The following MAML2 variants were observed in gnomAD, a reference collection of about 807,000 sequenced individuals.
MAML2 encodes mastermind like transcriptional coactivator 2.
MAML2 carries 22 observed loss-of-function variants against 96.1 expected under a neutral mutation model. The ratio of observed to expected loss-of-function variants is 0.23; its 90% CI spans 0.16 to 0.33. The LOEUF (loss-of-function observed/expected upper bound fraction) is 0.33, where lower values mean the gene tolerates loss of function less well. Ranked by LOEUF, MAML2 falls within the 10% of genes least tolerant of loss-of-function variation. The probability of loss-of-function intolerance (pLI) is 1.00; values close to 1 mark genes in which losing one functional copy is unlikely to be tolerated. For missense variants in MAML2, 1,367 were observed against 1,392.4 expected (o/e 0.98, Z 0.29); for synonymous variants, 561 against 521.3 (o/e 1.08, Z -1.04).
intron 1 of MAML2, among the ~76,000 whole-genome samples, chr11:96,260,145 A>T (rs1862727310): frequency 6.7e-6 from 1 of 148,706 alleles, no homozygotes; most frequent in African/African-American, 2.4e-5. Context: ...GACTGTGTGA[A>T]TGCCTGTGTG....
chr11:96,025,781 T>C (rs1188898311), intron 2 of MAML2, among the ~76,000 whole-genome samples: 1 of 152,182 alleles, frequency 6.6e-6, no homozygotes, highest in Admixed American at 6.5e-5. Context: ...CAGGATCGTC[T>C]CAATCTTTTG....
chr11:96,159,582 T>C lies in MAML2; in HGVS notation c.514-66065A>G, dbSNP rs566179344. ...CTGGGACTACAGGCGCCCGCCACCA[T>C]GCCCAGCTAATTTTTGTATTTTTAG... On this transcript the variant is annotated intron_variant, in intron 1 of 4. Coordinates refer to ENST00000524717, the MANE Select transcript of MAML2 (RefSeq NM_032427.4). Among the ~76,000 whole-genome samples the C allele has an allele frequency of 3.9e-5, 6 of 151,968 alleles. No homozygotes were observed. The East Asian group carries it at 5.8e-4, about 15-fold the overall frequency.
At chr11:96,233,899 T>C (rs892360990) in intron 1 of MAML2, among the ~76,000 whole-genome samples, 2 of 152,136 alleles carry the variant, frequency 1.3e-5, no homozygotes, top group South Asian at 4.1e-4. Flanking sequence ...GAAGAAGTAG[T>C]CTGCACCTGC....
At chr11:96,045,426 G>C (rs550833793) in intron 2 of MAML2, among the ~76,000 whole-genome samples, 1 of 152,256 alleles carries the variant, frequency 6.6e-6, no homozygotes, top group East Asian at 1.9e-4. Context: ...TCATCTGTGA[G>C]ATTAATGTTA....
At chr11:96,116,811 A>G (rs906718108) in intron 1 of MAML2, among the ~76,000 whole-genome samples, 5 of 152,254 alleles carry the variant, frequency 3.3e-5, no homozygotes, top group African/African-American at 1.2e-4. Context: ...AATAATGGAT[A>G]TATTGAGTAT....
intron 1 of MAML2, among the ~76,000 whole-genome samples, chr11:96,334,850 A>G (rs1411821565): frequency 6.6e-6 from 1 of 152,180 alleles, no homozygotes; most frequent in Non-Finnish European, 1.5e-5. Flanking sequence ...TTTCATATCC[A>G]TTCCTTCAGT....
intron 1 of MAML2, among the ~76,000 whole-genome samples, chr11:96,131,603 A>G (rs1449773639): frequency 6.6e-6 from 1 of 152,366 alleles, no homozygotes; most frequent in East Asian, 1.9e-4. Flanking sequence ...GTATATTAGT[A>G]GTTACAGGAA....
At chr11:96,185,344 C>A (rs929518423) in intron 1 of MAML2, among the ~76,000 whole-genome samples, 6 of 152,146 alleles carry the variant, frequency 3.9e-5, no homozygotes, top group Non-Finnish European at 8.8e-5. Flanking sequence ...TGTGGGCTGA[C>A]CAGGTGTCAC....
At chr11:96,144,012 G>A (rs1189759601) in intron 1 of MAML2, among the ~76,000 whole-genome samples, 25 of 152,204 alleles carry the variant, frequency 1.6e-4, no homozygotes, top group Admixed American at 1.5e-3. Context: ...TCTTGCTTGG[G>A]AGGTCTGGTA....
chr11:96,046,702 C>A (rs1858907959), intron 2 of MAML2, among the ~76,000 whole-genome samples: 1 of 152,136 alleles, frequency 6.6e-6, no homozygotes, highest in Non-Finnish European at 1.5e-5. Context: ...CTTCTCTTTC[C>A]ACCCTCTCTC....
Position 96,015,569 on chromosome 11 carries a change from C to CA in MAML2, c.2140-23847dup, listed in dbSNP as rs745984911. Among the ~76,000 whole-genome samples the CA allele has an allele frequency of 7.8e-3, 386 of 49,284 alleles. 4 individuals carry two copies. The highest frequency in any genetic ancestry group is 0.025 in the African/African-American group (334 of 13,194). 32.3% of individuals were successfully genotyped at this position (49,284 alleles called of 152,430 possible). A position where few individuals can be genotyped will look rare whatever the true frequency, so the allele number is the denominator to read the frequency against. ...CCATAAAATGAAAGTGCTAAGAAGG[C>CA]AAAAAAAAAAAAAAAGGGGGGGGGG... On this transcript the variant is annotated intron_variant, in intron 2 of 4. Transcript: ENST00000524717.
chr11:96,230,097 A>T (rs945898078), intron 1 of MAML2, among the ~76,000 whole-genome samples: 17 of 152,182 alleles, frequency 1.1e-4, no homozygotes, highest in African/African-American at 3.6e-4. Context: ...TTTAATGAAA[A>T]ATTTCCCACA....
At chr11:96,009,648 C>T (rs1376299581) in intron 2 of MAML2, among the ~76,000 whole-genome samples, 1 of 152,160 alleles carries the variant, frequency 6.6e-6, no homozygotes, top group African/African-American at 2.4e-5. Context: ...ACAACGTAAG[C>T]ATTGACATAT....
At chr11:96,297,268 A>G (rs1387833421) in intron 1 of MAML2, among the ~76,000 whole-genome samples, 1 of 152,158 alleles carries the variant, frequency 6.6e-6, no homozygotes, top group African/African-American at 2.4e-5. Flanking sequence ...AATATTTGAG[A>G]CTTTAATTAA....
At chr11:96,022,657 G>GT (rs1858453627) in intron 2 of MAML2, among the ~76,000 whole-genome samples, 2 of 152,192 alleles carry the variant, frequency 1.3e-5, no homozygotes, top group African/African-American at 4.8e-5. Context: ...TGCTGGCTCT[G>GT]CCACTTACTT....
intron 1 of MAML2, among the ~76,000 whole-genome samples, chr11:96,228,380 A>G (rs12793078): frequency 0.02 from 3,042 of 152,266 alleles, 44 homozygotes; most frequent in Non-Finnish European, 0.03. Flanking sequence ...AGTTCCTAGG[A>G]TATGACACTG....
chr11:96,201,600 T>A (rs1159148909), intron 1 of MAML2, among the ~76,000 whole-genome samples: 2 of 152,214 alleles, frequency 1.3e-5, no homozygotes, highest in Admixed American at 6.5e-5. Context: ...TGGAGTCATA[T>A]GAAGACCTAA....
At chr11:96,322,663 C>G (rs1369948946) in intron 1 of MAML2, among the ~76,000 whole-genome samples, 1 of 152,122 alleles carries the variant, frequency 6.6e-6, no homozygotes, top group Non-Finnish European at 1.5e-5. Flanking sequence ...CTGCACTCCA[C>G]CCTGGGGGCC....
intron 2 of MAML2, among the ~76,000 whole-genome samples, chr11:96,007,423 G>A (rs768507620): frequency 3.3e-5 from 5 of 152,072 alleles, no homozygotes; most frequent in African/African-American, 4.8e-5. Context: ...TCAGAATAAG[G>A]CAGGTCTATC....
Sources: gnomAD v4.1 joint callset for allele counts (sites outside exome capture counted in the v4.1 genomes callset) on GRCh38, gnomAD v4.1.1 for gene constraint, MANE v1.5 for transcripts, NCBI Gene and HGNC (gene_info 2026-07-23, HGNC 2026-07-21) for gene names.